The following PRR16 variants were observed in gnomAD, a reference collection of about 807,000 sequenced individuals.
The protein encoded by PRR16 is proline rich 16.
PRR16 carries 6 observed loss-of-function variants against 18.2 expected under a neutral mutation model. That is an observed-to-expected ratio of 0.33 (90% CI 0.18 to 0.65). PRR16 has a LOEUF of 0.65. PRR16 is among the 30% of genes least tolerant of loss of function. The pLI, the probability that PRR16 is intolerant of heterozygous loss-of-function variation, is 0.74. For missense variants in PRR16, 412 were observed against 376.6 expected, an observed-to-expected ratio of 1.09 and a Z score of -0.78; for synonymous variants, 151 against 147.8, an observed-to-expected ratio of 1.02 and a Z score of -0.16.
chr5:120,618,945 G>C (rs1754599794), intron 1 of PRR16, among the ~76,000 whole-genome samples: 1 of 151,002 alleles, frequency 6.6e-6, no homozygotes, highest in East Asian at 1.9e-4. Flanking sequence ...TATTCTGTTT[G>C]ACATGACTTT....
intron 1 of PRR16, among the ~76,000 whole-genome samples, chr5:120,572,898 G>A (rs963050349): frequency 6.6e-6 from 1 of 152,106 alleles, no homozygotes; most frequent in Non-Finnish European, 1.5e-5. Context: ...ATTTTGGAAC[G>A]TGGAATTCAT....
intron 1 of PRR16, among the ~76,000 whole-genome samples, chr5:120,642,609 A>G (rs983552779): frequency 1.3e-5 from 2 of 152,138 alleles, no homozygotes; most frequent in Admixed American, 1.3e-4. Flanking sequence ...TTTACAATTC[A>G]TGCTGCAACC....
At chr5:120,632,786 T>C (rs994505382) in intron 1 of PRR16, among the ~76,000 whole-genome samples, 1 of 152,188 alleles carries the variant, frequency 6.6e-6, no homozygotes, top group Admixed American at 6.5e-5. Context: ...AAGAGAAATC[T>C]AAAAGTTTGG....
intron 1 of PRR16, among the ~76,000 whole-genome samples, chr5:120,564,951 A>G (rs996454533): frequency 6.8e-5 from 10 of 146,754 alleles, no homozygotes; most frequent in African/African-American, 2.5e-4. Flanking sequence ...GCGCCACTGC[A>G]CTCCAGCCTG....
intron 1 of PRR16, among the ~76,000 whole-genome samples, chr5:120,548,966 T>TACACACACAC (rs138985218): frequency 1.3e-5 from 2 of 150,456 alleles, no homozygotes; most frequent in African/African-American, 4.9e-5. Context: ...TTCATGCATG[T>TACACACACAC]ACACACACAC....
the PRR16 span, among the ~76,000 whole-genome samples, chr5:120,753,970 TTA>T: frequency 0.06 from 7,261 of 120,428 alleles, 283 homozygotes; most frequent in South Asian, 0.083. Context: ...ATAATATATG[TTA>T]TATAATATAA....
intron 1 of PRR16, among the ~76,000 whole-genome samples, chr5:120,683,090 C>T (rs1757020501): frequency 6.6e-6 from 1 of 151,822 alleles, no homozygotes; most frequent in Non-Finnish European, 1.5e-5. Context: ...CTAAAGAATA[C>T]CAGAGAGATT....
the PRR16 span, among the ~76,000 whole-genome samples, chr5:120,779,455 C>T: frequency 6.6e-6 from 1 of 152,214 alleles, no homozygotes; most frequent in Non-Finnish European, 1.5e-5. Flanking sequence ...ATCCTCTGAA[C>T]ACCATTAGTT....
the PRR16 span, among the ~76,000 whole-genome samples, chr5:120,779,961 C>CTGTT: frequency 2.0e-5 from 3 of 152,118 alleles, no homozygotes; most frequent in African/African-American, 4.8e-5. Context: ...TATCTGTTGA[C>CTGTT]TGTTTATGTC....
At chr5:120,704,721 A>G in the PRR16 span, among the ~76,000 whole-genome samples, 3 of 152,188 alleles carry the variant, frequency 2.0e-5, no homozygotes, top group Non-Finnish European at 4.4e-5. Context: ...GTAGGCTTCA[A>G]ATGAACCAGG....
chr5:120,500,889 C>A (rs1201987359), intron 1 of PRR16, among the ~76,000 whole-genome samples: 1 of 151,732 alleles, frequency 6.6e-6, no homozygotes, highest in East Asian at 1.9e-4. Flanking sequence ...TATGTTTTTT[C>A]TTTTTTTATC....
chr5:120,595,106 T>C (rs899914467), intron 1 of PRR16, among the ~76,000 whole-genome samples: 1 of 151,882 alleles, frequency 6.6e-6, no homozygotes, highest in African/African-American at 2.4e-5. Flanking sequence ...AAGCAAAAAT[T>C]GACAAATGGG....
chr5:120,674,257 C>T (rs895612551), intron 1 of PRR16, among the ~76,000 whole-genome samples: 2 of 152,046 alleles, frequency 1.3e-5, no homozygotes, highest in African/African-American at 2.4e-5. Flanking sequence ...TGCCCCCCTG[C>T]CCGCCCTCCA....
the PRR16 span, among the ~76,000 whole-genome samples, chr5:120,698,467 G>A: frequency 0.25 from 35,285 of 140,002 alleles, 5,146 homozygotes; most frequent in Middle Eastern, 0.42. Flanking sequence ...TGGCGGTTTG[G>A]GGATAGCACC....
the PRR16 span, among the ~76,000 whole-genome samples, chr5:120,696,462 G>A: frequency 2.0e-5 from 3 of 152,158 alleles, no homozygotes; most frequent in Admixed American, 6.5e-5. Context: ...TATTCAAGTT[G>A]AAGAAATTGT....
At chr5:120,706,471 A>C in the PRR16 span, among the ~76,000 whole-genome samples, 1 of 152,208 alleles carries the variant, frequency 6.6e-6, no homozygotes, top group Non-Finnish European at 1.5e-5. Flanking sequence ...TCATTTAACA[A>C]AACAGCAAAC....
intron 1 of PRR16, among the ~76,000 whole-genome samples, chr5:120,665,620 G>A (rs1354469195): frequency 4.6e-5 from 7 of 152,004 alleles, no homozygotes; most frequent in South Asian, 2.1e-4. Context: ...AATCCATCTC[G>A]AATTAATTTT....
At chr5:120,668,451 T>G (rs966984204) in intron 1 of PRR16, among the ~76,000 whole-genome samples, 1 of 151,304 alleles carries the variant, frequency 6.6e-6, no homozygotes, top group African/African-American at 2.4e-5. Flanking sequence ...TTAGTCCATT[T>G]ACATTTAAAG....
intron 1 of PRR16, among the ~76,000 whole-genome samples, chr5:120,577,820 C>T (rs1753129797): frequency 2.0e-5 from 3 of 152,108 alleles, no homozygotes; most frequent in Non-Finnish European, 2.9e-5. Flanking sequence ...ATTTTCCCAG[C>T]AACTGGGGAT....
Sources: gnomAD v4.1 joint callset for allele counts (sites outside exome capture counted in the v4.1 genomes callset) on GRCh38, gnomAD v4.1.1 for gene constraint, MANE v1.5 for transcripts, NCBI Gene and HGNC (gene_info 2026-07-23, HGNC 2026-07-21) for gene names.